PARP4: variants seen among roughly 807,000 people sequenced by gnomAD.
PARP4 encodes the protein protein mono-ADP-ribosyltransferase PARP4.
Under a neutral mutation model 187.7 loss-of-function variants are expected in PARP4, and 120 were observed. The ratio of observed to expected loss-of-function variants is 0.64; its 90% CI spans 0.55 to 0.74. The LOEUF is 0.74. Ranked by LOEUF, PARP4 falls within the 30% of genes least tolerant of loss-of-function variation. The pLI is 0.00. For missense variants in PARP4, 1,836 were observed against 2,070.5 expected (o/e 0.89, Z 2.20); for synonymous variants, 654 against 740.9 (o/e 0.88, Z 1.90).
chr13:24,497,427 A>G (rs568494225), intron 6 of PARP4, among the ~76,000 whole-genome samples: 8 of 152,184 alleles, frequency 5.3e-5, no homozygotes, highest in Non-Finnish European at 8.8e-5. Context: ...TTAATGAAGT[A>G]TATCAGTGGA....
At chr13:24,506,511 G>C (rs1175150726) in intron 1 of PARP4, among the ~76,000 whole-genome samples, 1 of 152,144 alleles carries the variant, frequency 6.6e-6, no homozygotes, top group Non-Finnish European at 1.5e-5. Context: ...GGACTGCTTT[G>C]ACAGGGTGCT....
chr13:24,435,216 C>T lies in PARP4; in HGVS notation c.3925G>A (p.Glu1309Lys), dbSNP rs753188107. ...GGAAAAAAGCTAGAAGTAGATGTTT[C>T]CCATGGACTGACTTTCTTAAATAGT... is the stretch of plus-strand genomic sequence containing the variant. ...EPLFKKVSPW[E>K]TSTSSFFPIL... The change falls in exon 31 of 34, where the codon GAA becomes AAA. Residue 1309 changes from glutamate (E) to lysine (K), a missense_variant. Around this residue, in one of 8 missense-constraint regions of PARP4, gnomAD observed 450 missense variants for 439.2 expected, o/e 1.02. Transcript: ENST00000381989. 6.2e-7 allele frequency: 1 copy of T among 1,614,122 alleles called. No homozygotes were observed.
At chr13:24,447,995 T>C (rs1323710979) in intron 25 of PARP4, among the ~76,000 whole-genome samples, 3 of 152,118 alleles carry the variant, frequency 2.0e-5, no homozygotes, top group Non-Finnish European at 2.9e-5. Flanking sequence ...TTGCTTGAGC[T>C]TGGGATTCGA....
chr13:24,485,591 C>T (rs1235808946), intron 11 of PARP4, among the ~76,000 whole-genome samples: 1 of 152,106 alleles, frequency 6.6e-6, no homozygotes, highest in African/African-American at 2.4e-5. Context: ...AATATTTTCT[C>T]CTGCTCCTGT....
chr13:24,441,464 G>A lies in PARP4; in HGVS notation c.3666+382C>T, dbSNP rs1440365585. Reference sequence around the variant, plus strand: ...TTATGTTTCTGGTTATAAGGGCCACGGTATAAAGCACTATAAACTTTAAGA... The same window carrying A: ...TTATGTTTCTGGTTATAAGGGCCACAGTATAAAGCACTATAAACTTTAAGA... On this transcript the variant is annotated intron_variant, in intron 30 of 33. Coordinates refer to ENST00000381989, the MANE Select transcript of PARP4 (RefSeq NM_006437.4). Among the ~76,000 whole-genome samples, 97 of 152,232 alleles carry A rather than the reference G, an allele frequency of 6.4e-4. 1 individual carries two copies. The highest frequency in any genetic ancestry group is 1.0e-4 in the Non-Finnish European group (7 of 68,048).
chr13:24,432,663 T>C (rs1440037985), intron 31 of PARP4, among the ~76,000 whole-genome samples: 1 of 152,226 alleles, frequency 6.6e-6, no homozygotes, highest in Non-Finnish European at 1.5e-5. Context: ...GCATGATTCC[T>C]TTGGTTTAAC....
At chr13:24,474,151 C>A (rs1280767935) in intron 15 of PARP4, among the ~76,000 whole-genome samples, 1 of 152,154 alleles carries the variant, frequency 6.6e-6, no homozygotes, top group Non-Finnish European at 1.5e-5. Context: ...TTATTCAGGG[C>A]AAACACTCTG....
chr13:24,499,176 T>A, intron 5 of PARP4, 125 bp downstream of exon 5: 2 of 962,378 alleles, frequency 2.1e-6, no homozygotes, highest in Middle Eastern at 2.3e-4. Context: ...AAGGACTATA[T>A]GATATTCAGG....
chr13:24,453,177 C>T (rs970817871), intron 23 of PARP4, among the ~76,000 whole-genome samples: 1 of 152,062 alleles, frequency 6.6e-6, no homozygotes, highest in African/African-American at 2.4e-5. Context: ...CTCAGGTGAT[C>T]CACCCGCCCT....
rs769564409 is a variant in PARP4, at chr13:24,435,101, A to G, written c.4040T>C (p.Val1347Ala). Residue 1347 changes from valine to alanine, a missense_variant, in exon 31 of 34, where the codon GTA becomes GCA. By Grantham distance (64) the Val-to-Ala change is moderately conservative (BLOSUM62 0). Transcript: ENST00000381989. ...AGGAGCAGCTGAACCGAAACTAGCTACCTGACGATATGAGGCAAAAGACAA... is the reference window on the plus strand; with the variant it reads ...AGGAGCAGCTGAACCGAAACTAGCTGCCTGACGATATGAGGCAAAAGACAA... The part of the protein sequence containing the change: ...ASLSFASYRQ[V>A]ASFGSAAPPR... 1.5e-5 allele frequency: 25 copies of G among 1,614,058 alleles called. No individual in the cohort carries two copies. The highest frequency in any genetic ancestry group is 2.0e-5 in the Non-Finnish European group (24 of 1,180,052).
chr13:24,456,086 A>G (rs1362773082), intron 21 of PARP4, among the ~76,000 whole-genome samples: 1 of 152,204 alleles, frequency 6.6e-6, no homozygotes, highest in Non-Finnish European at 1.5e-5. Flanking sequence ...CTGATGGCAC[A>G]TGTTCTTTTG....
intron 15 of PARP4, among the ~76,000 whole-genome samples, chr13:24,473,817 C>CA (rs1348618866): frequency 6.6e-6 from 1 of 152,080 alleles, no homozygotes; most frequent in Non-Finnish European, 1.5e-5. Context: ...TCATGAGACC[C>CA]ACCAGCCTCC....
At chr13:24,458,829 A>G (rs1033307968) in intron 20 of PARP4, among the ~76,000 whole-genome samples, 4 of 152,194 alleles carry the variant, frequency 2.6e-5, no homozygotes, top group Non-Finnish European at 2.9e-5. Context: ...ATTAATATTT[A>G]AAAATTGGAG....
At chr13:24,467,702 G>T (rs1226173302) in intron 17 of PARP4, among the ~76,000 whole-genome samples, 2 of 152,186 alleles carry the variant, frequency 1.3e-5, no homozygotes, top group Admixed American at 6.5e-5. Flanking sequence ...TGAAGGCTTG[G>T]GTTAGCAATA....
chr13:24,478,682 C>T (rs947080429), intron 12 of PARP4, among the ~76,000 whole-genome samples: 2 of 152,210 alleles, frequency 1.3e-5, no homozygotes, highest in African/African-American at 4.8e-5. Context: ...GATCCTCCCT[C>T]CTCAGCCTCC....
In PARP4 at chr13:24,435,165, A is replaced by G. The variant is rs1202465948; in HGVS notation, c.3976T>C (p.Tyr1326His). 1.2e-6 allele frequency: 2 copies of G among 1,614,092 alleles called. No homozygotes were observed. Among genetic ancestry groups the G allele is most frequent in the African/African-American group, 2.7e-5 (2 of 74,946 alleles). ...FPILAPAVGS[Y>H]LPPTARAHSP... is the part of the protein sequence containing the mutation. ...TGAGCGCGGGCAGTCGGGGGAAGAT[A>G]GGAACCAACGGCCGGAGCCAAAATA... The change falls in exon 31 of 34, where the codon TAT becomes CAT. Residue 1326 changes from tyrosine (Y) to histidine (H), a missense_variant. By Grantham distance (83) the Tyr-to-His change is moderately conservative. Transcript: ENST00000381989.
chr13:24,501,024 G>A (rs2137543233), intron 3 of PARP4, among the ~76,000 whole-genome samples: 1 of 152,268 alleles, frequency 6.6e-6, no homozygotes, highest in African/African-American at 2.4e-5. Flanking sequence ...GCTGGGACAT[G>A]TGCTGGGACT....
chr13:24,440,891 T>C (rs1870893245), intron 30 of PARP4, among the ~76,000 whole-genome samples: 1 of 152,220 alleles, frequency 6.6e-6, no homozygotes, highest in Non-Finnish European at 1.5e-5. Flanking sequence ...TTCTTATTTA[T>C]GATCAAATCC....
chr13:24,490,942 T>A, intron 9 of PARP4, 114 bp from the exon 10 acceptor site: 1 of 963,670 alleles, frequency 1.0e-6, no homozygotes, highest in Non-Finnish European at 1.5e-6. Flanking sequence ...CCCCAAAGCT[T>A]GTTTTACTTT....
Sources: gnomAD v4.1 joint callset for allele counts (sites outside exome capture counted in the v4.1 genomes callset) on GRCh38, gnomAD v4.1.1 for gene constraint, gnomAD v4.1.1 regional missense constraint, MANE v1.5 for transcripts, NCBI Gene and HGNC (gene_info 2026-07-23, HGNC 2026-07-21) for gene names.